The following WNK1 variants were observed in gnomAD, a reference collection of about 807,000 sequenced individuals.
The protein encoded by WNK1 is WNK lysine deficient protein kinase 1, also known as serine/threonine-protein kinase WNK1.
WNK1 carries 38 observed loss-of-function variants against 222.8 expected under a neutral mutation model. The observed-to-expected ratio is 0.17, with a 90% CI of 0.13 to 0.22. The LOEUF (loss-of-function observed/expected upper bound fraction) is 0.22. WNK1 is among the 10% of genes least tolerant of loss of function. The pLI is 1.00. For missense variants in WNK1, 2,348 were observed against 2,918.4 expected (o/e 0.80, Z 4.50); for synonymous variants, 1,090 against 1,092.9 (o/e 1.00, Z 0.05).
intron 13 of WNK1, 25 bp from the exon 14 acceptor site, chr12:881,885 CT>C (rs753506193): frequency 9.9e-6 from 16 of 1,613,648 alleles, no homozygotes; most frequent in African/African-American, 1.3e-5. Context: ...ATAAACTGCA[CT>C]TTTTTTTCTT....
chr12:754,450 A>G lies in WNK1; in HGVS notation c.759+126A>G, dbSNP rs776099525. The G allele has an allele frequency of 3.2e-5, 39 of 1,203,816 alleles. No homozygotes were observed. The East Asian group carries it at 6.0e-4, about 19-fold the overall frequency. 74.6% of individuals were successfully genotyped at this position (1,203,816 alleles called of 1,614,324 possible). ...GACTCCGAGTGGGACGGGGAGGCCA[A>G]CTTTTGAAAGGGGCTGAAATTAGGA... On this transcript the variant is annotated intron_variant, in intron 1 of 27. Transcript: ENST00000315939.
In WNK1 at chr12:907,805, C is replaced by T. The variant is rs772029164; in HGVS notation, c.6644-42C>T. 1.1e-5 allele frequency: 18 copies of T among 1,610,434 alleles called. 1 individual carries two copies. Among genetic ancestry groups the T allele is most frequent in the Non-Finnish European group, 1.4e-5 (17 of 1,178,394 alleles). ...GTTTTCCCTCTTCCTGAAATTGTAACCTAGGCTTCTTTTAATGCTCGTATT... is the reference window on the plus strand; with the variant it reads ...GTTTTCCCTCTTCCTGAAATTGTAATCTAGGCTTCTTTTAATGCTCGTATT... On this transcript the variant is annotated intron_variant, in intron 26 of 27. Coordinates refer to ENST00000315939, the MANE Select transcript of WNK1 (RefSeq NM_018979.4).
intron 26 of WNK1, among the ~76,000 whole-genome samples, chr12:903,862 G>C (rs1198428874): frequency 6.6e-6 from 1 of 152,130 alleles, no homozygotes; most frequent in Non-Finnish European, 1.5e-5. Context: ...AGCACGGCTT[G>C]GCTTACTGCT....
chr12:878,273 C>G lies in WNK1; in HGVS notation c.2285C>G (p.Thr762Arg), dbSNP rs530828395. The G allele has an allele frequency of 6.2e-7, 1 of 1,614,138 alleles. No individual in the cohort carries two copies. The highest frequency in any genetic ancestry group is 1.7e-5 in the Admixed American group (1 of 60,016). Reference sequence around the variant, plus strand: ...ACAGTGCAGTATTCACTTTCACAGACATCAACCTCCAGTGAGGCCACTACT... The same window carrying G: ...ACAGTGCAGTATTCACTTTCACAGAGATCAACCTCCAGTGAGGCCACTACT... ...QQTVQYSLSQTSTSSEATTAQ... is the reference protein window; with the variant it reads ...QQTVQYSLSQRSTSSEATTAQ... Residue 762 changes from threonine to arginine, a missense_variant, in exon 10 of 28, where the codon ACA becomes AGA. Thr to Arg is a moderately conservative substitution (Grantham distance 71). Around this residue, in one of 13 missense-constraint regions of WNK1, gnomAD observed 547 missense variants for 558.3 expected, o/e 0.98. Coordinates refer to ENST00000315939, the MANE Select transcript of WNK1 (RefSeq NM_018979.4).
chr12:770,898 A>C (rs1286389905), intron 1 of WNK1, among the ~76,000 whole-genome samples: 3 of 152,248 alleles, frequency 2.0e-5, no homozygotes, highest in Admixed American at 6.5e-5. Context: ...AGTGTTTACT[A>C]TAAATATCTT....
chr12:900,860 G>T, intron 26 of WNK1, 190 bp downstream of exon 26: 1 of 718,050 alleles, frequency 1.4e-6, no homozygotes, highest in Non-Finnish European at 2.4e-6. Flanking sequence ...GCTCCCATTA[G>T]GTGAAATTAC....
chr12:870,698 A>C (rs1952068219), intron 8 of WNK1, among the ~76,000 whole-genome samples: 1 of 152,182 alleles, frequency 6.6e-6, no homozygotes, highest in Non-Finnish European at 1.5e-5. Flanking sequence ...AATCTCCCTC[A>C]GTTGTGACAA....
chr12:813,606 T>C, intron 1 of WNK1, 36 bp from the exon 2 acceptor site: 1 of 1,608,178 alleles, frequency 6.2e-7, no homozygotes. Flanking sequence ...TGTTTTATCA[T>C]TTTAAACCAC....
intron 1 of WNK1, among the ~76,000 whole-genome samples, chr12:795,803 T>C (rs77279075): frequency 0.015 from 2,239 of 152,338 alleles, 58 homozygotes; most frequent in African/African-American, 0.051. Context: ...GTTTTCTCTT[T>C]GTTCCTTTAA....
chr12:841,785 G>C (rs1168030924), intron 4 of WNK1, among the ~76,000 whole-genome samples: 1 of 152,126 alleles, frequency 6.6e-6, no homozygotes, highest in Admixed American at 6.5e-5. Flanking sequence ...TTTTCACATG[G>C]TGAAAGAGTC....
intron 4 of WNK1, among the ~76,000 whole-genome samples, chr12:836,341 G>A (rs979740384): frequency 6.6e-6 from 1 of 152,142 alleles, no homozygotes; most frequent in African/African-American, 2.4e-5. Flanking sequence ...GGCCTACTAA[G>A]GTTGCGAAAA....
At chr12:769,285 G>A (rs1173471922) in intron 1 of WNK1, among the ~76,000 whole-genome samples, 6 of 151,410 alleles carry the variant, frequency 4.0e-5, no homozygotes, top group African/African-American at 1.5e-4. Context: ...TGCAACCTCC[G>A]CCTCCTGGGT....
At chr12:804,087 T>G (rs982075499) in intron 1 of WNK1, among the ~76,000 whole-genome samples, 1 of 152,226 alleles carries the variant, frequency 6.6e-6, no homozygotes, top group Non-Finnish European at 1.5e-5. Flanking sequence ...CTTTTTCTCA[T>G]GTACCTCAAG....
At chr12:793,791 A>G (rs1010066893) in intron 1 of WNK1, among the ~76,000 whole-genome samples, 5 of 152,222 alleles carry the variant, frequency 3.3e-5, no homozygotes, top group African/African-American at 7.2e-5. Flanking sequence ...TTCACATACT[A>G]TACAATTCAC....
intron 1 of WNK1, among the ~76,000 whole-genome samples, chr12:809,418 G>T (rs902498281): frequency 7.9e-5 from 12 of 151,534 alleles, no homozygotes; most frequent in Non-Finnish European, 1.3e-4. Context: ...TTCTTTATGC[G>T]ATAGACCCCA....
At chr12:907,211 C>G (rs1955783902) in intron 26 of WNK1, among the ~76,000 whole-genome samples, 2 of 151,540 alleles carry the variant, frequency 1.3e-5, no homozygotes, top group African/African-American at 4.9e-5. Flanking sequence ...ATCCCAGCTA[C>G]TCTGGAGGCT....
At chr12:906,165 T>G (rs954595915) in intron 26 of WNK1, among the ~76,000 whole-genome samples, 3 of 152,204 alleles carry the variant, frequency 2.0e-5, no homozygotes, top group Non-Finnish European at 4.4e-5. Context: ...TTGGGTACCT[T>G]AAGGACTAGT....
intron 8 of WNK1, chr12:865,295 C>CCTGCCTA: frequency 6.5e-7 from 1 of 1,536,140 alleles, no homozygotes; most frequent in Non-Finnish European, 8.7e-7. Context: ...TGGAGAGTGT[C>CCTGCCTA]CTGCCTATGC....
intron 1 of WNK1, among the ~76,000 whole-genome samples, chr12:757,309 C>CT (rs946901263): frequency 0.01 from 846 of 83,600 alleles, 16 homozygotes; most frequent in Non-Finnish European, 0.014. Flanking sequence ...AGCATCAATT[C>CT]TTTTTTTTTT....
Sources: gnomAD v4.1 joint callset for allele counts (sites outside exome capture counted in the v4.1 genomes callset) on GRCh38, gnomAD v4.1.1 for gene constraint, gnomAD v4.1.1 regional missense constraint, MANE v1.5 for transcripts, NCBI Gene and HGNC (gene_info 2026-07-23, HGNC 2026-07-21) for gene names.